The following KCTD5 variants were observed in gnomAD, a reference collection of about 807,000 sequenced individuals.
The protein encoded by KCTD5 is potassium channel tetramerization domain containing 5.
In KCTD5, 12 loss-of-function variants were observed where a neutral mutation model predicts 27.9. The ratio of observed to expected loss-of-function variants is 0.43; its 90% CI spans 0.28 to 0.70. KCTD5 has a LOEUF of 0.70. Ranked by LOEUF, KCTD5 falls within the 30% of genes least tolerant of loss-of-function variation. The pLI, the probability that KCTD5 is intolerant of heterozygous loss-of-function variation, is 0.19. For synonymous variants in KCTD5, 147 were observed against 121.4 expected (o/e 1.21, Z -1.39); for missense variants, 226 against 274.8 (o/e 0.82, Z 1.26).
chr16:2,688,611 C>T (rs1445853367), intron 1 of KCTD5, among the ~76,000 whole-genome samples: 3 of 142,100 alleles, frequency 2.1e-5, no homozygotes, highest in South Asian at 2.4e-4. Context: ...CTGTTAATGT[C>T]GACCTCTGGC....
intron 1 of KCTD5, among the ~76,000 whole-genome samples, chr16:2,690,759 C>T (rs1240279488): frequency 1.3e-5 from 2 of 152,246 alleles, no homozygotes; most frequent in African/African-American, 2.4e-5. Flanking sequence ...GATGGCCTTA[C>T]GGGCAGCACA....
intron 1 of KCTD5, among the ~76,000 whole-genome samples, chr16:2,689,891 G>A (rs1438214004): frequency 6.6e-6 from 1 of 152,198 alleles, no homozygotes; most frequent in Admixed American, 6.5e-5. Flanking sequence ...GGTCAGGCTG[G>A]TGTTGAACTC....
At chr16:2,693,649 T>C (rs921116379) in intron 1 of KCTD5, among the ~76,000 whole-genome samples, 2 of 152,212 alleles carry the variant, frequency 1.3e-5, no homozygotes, top group Admixed American at 1.3e-4. Flanking sequence ...GTTGCAGGGC[T>C]GGGGTTGCCT....
Position 2,702,450 on chromosome 16 carries a change from C to G in KCTD5, c.647C>G (p.Thr216Arg). 6.2e-7 allele frequency: 1 copy of G among 1,613,222 alleles called. No homozygotes were observed. The change falls in exon 5 of 6, where the codon ACG (threonine) becomes AGG (arginine). Residue 216 changes from threonine (T) to arginine (R), a missense_variant. Thr to Arg is a moderately conservative substitution (Grantham distance 71). Around this residue, in one of 2 missense-constraint regions of KCTD5, gnomAD observed 135 missense variants for 207.0 expected, o/e 0.65. Coordinates refer to ENST00000301738, the MANE Select transcript of KCTD5 (RefSeq NM_018992.4). The stretch of plus-strand genomic sequence containing the variant: ...GAGCTGCACAACACCCCGTACGGTA[C>G]GGCCAGCGAGCCCAGCGAGAAGGCC... Reference protein sequence around the residue: ...SKELHNTPYGTASEPSEKAKI... With the variant: ...SKELHNTPYGRASEPSEKAKI...
chr16:2,704,419 G>T (rs993284889), intron 5 of KCTD5, among the ~76,000 whole-genome samples: 11 of 152,246 alleles, frequency 7.2e-5, no homozygotes, highest in Non-Finnish European at 7.3e-5. Context: ...GGAGAGCCTG[G>T]GTGGTGGGGC....
intron 1 of KCTD5, among the ~76,000 whole-genome samples, chr16:2,688,228 A>T (rs28567711): frequency 0.058 from 4,814 of 83,372 alleles, 275 homozygotes; most frequent in African/African-American, 0.17. Context: ...TAAATAAATA[A>T]ATATATATAT....
chr16:2,706,834 G>T (rs1021826270), intron 5 of KCTD5, among the ~76,000 whole-genome samples: 1 of 151,606 alleles, frequency 6.6e-6, no homozygotes, highest in Admixed American at 6.6e-5. Context: ...GGCTGGCCAG[G>T]CTGAGGTGCA....
At chr16:2,705,018 C>T (rs546625335) in intron 5 of KCTD5, among the ~76,000 whole-genome samples, 28 of 152,346 alleles carry the variant, frequency 1.8e-4, no homozygotes, top group South Asian at 8.3e-4. Context: ...TGTGTCCCCT[C>T]GTGGCGTGGC....
chr16:2,685,930 G>C (rs905376198), intron 1 of KCTD5: 3 of 152,188 alleles, frequency 2.0e-5, no homozygotes, highest in African/African-American at 7.2e-5. Context: ...ATTTAAGGGG[G>C]AGGAGTTCCC....
Position 2,703,253 on chromosome 16 carries a change from A to G in KCTD5, c.675+775A>G, listed in dbSNP as rs1596225879. On this transcript the variant is annotated intron_variant, in intron 5 of 5. Coordinates refer to ENST00000301738, the MANE Select transcript of KCTD5 (RefSeq NM_018992.4). ...GGACAAATGCGTCCATCCAAGCAGA[A>G]TCTGACCTTGGCCTGGGCCAGCTGC... Among the ~76,000 whole-genome samples the G allele has an allele frequency of 1.3e-5, 2 of 152,200 alleles. 1 individual carries two copies. Among genetic ancestry groups the G allele is most frequent in the East Asian group, 3.9e-4 (2 of 5,126 alleles).
At chr16:2,690,719 C>G (rs987472743) in intron 1 of KCTD5, among the ~76,000 whole-genome samples, 1 of 152,226 alleles carries the variant, frequency 6.6e-6, no homozygotes, top group Non-Finnish European at 1.5e-5. Flanking sequence ...TTTCCTTCCT[C>G]GTGTCATGGG....
chr16:2,702,040 G>A (rs892998865), intron 4 of KCTD5, among the ~76,000 whole-genome samples: 3 of 151,990 alleles, frequency 2.0e-5, no homozygotes, highest in African/African-American at 7.2e-5. Flanking sequence ...CCCTCCCTCC[G>A]CCCCAGCTCA....
chr16:2,701,084 A>T (rs770311712), intron 4 of KCTD5, among the ~76,000 whole-genome samples: 21 of 152,180 alleles, frequency 1.4e-4, no homozygotes, highest in Non-Finnish European at 2.4e-4. Flanking sequence ...GGCTGTCCCC[A>T]TGTGGCACCT....
chr16:2,687,186 G>A lies in KCTD5; in HGVS notation c.252+4386G>A, dbSNP rs985722377. Among the ~76,000 whole-genome samples, 8 of 152,188 alleles carry A rather than the reference G, an allele frequency of 5.3e-5. No individual in the cohort carries two copies. In the East Asian group the frequency reaches 5.8e-4, roughly 11 times the overall value. On this transcript the variant is annotated intron_variant, in intron 1 of 5. Coordinates refer to ENST00000301738, the MANE Select transcript of KCTD5 (RefSeq NM_018992.4). ...TGAAGCCCTTTAGACCTTAGGCCAC[G>A]AGTCAGTTCCATAAATTCCTGAGAA...
rs540701877 is a variant in KCTD5, at chr16:2,707,700, A to G, written c.*373A>G. The G allele has an allele frequency of 1.6e-4, 81 of 519,056 alleles. No individual in the cohort carries two copies. In the East Asian group the frequency reaches 2.1e-3, roughly 14 times the overall value. The allele number at this position is 519,056 out of a possible 1,614,324, so 32.2% of individuals were successfully genotyped here. Reference sequence around the variant, plus strand: ...AGTCTGGAAAAGCAGCCTGGGCTTCACTGGCAGGAAGCGGCCGCAGCCGCG... The same window carrying G: ...AGTCTGGAAAAGCAGCCTGGGCTTCGCTGGCAGGAAGCGGCCGCAGCCGCG... On this transcript the variant is annotated 3_prime_UTR_variant, in exon 6 of 6. Coordinates refer to ENST00000301738, the MANE Select transcript of KCTD5 (RefSeq NM_018992.4).
intron 4 of KCTD5, among the ~76,000 whole-genome samples, chr16:2,701,850 G>A (rs2067613343): frequency 6.6e-6 from 1 of 152,228 alleles, no homozygotes; most frequent in African/African-American, 2.4e-5. Context: ...GGCCTGCCTG[G>A]TGACCCGGAG....
chr16:2,687,584 G>T (rs1248445603), intron 1 of KCTD5, among the ~76,000 whole-genome samples: 1 of 152,164 alleles, frequency 6.6e-6, no homozygotes, highest in Admixed American at 6.5e-5. Flanking sequence ...GGCCGTTTTT[G>T]CTCTGAAAGG....
chr16:2,698,076 C>G, intron 3 of KCTD5, 79 bp downstream of exon 3: 2 of 1,045,132 alleles, frequency 1.9e-6, no homozygotes, highest in Non-Finnish European at 2.9e-6. Flanking sequence ...CGACCGGCTG[C>G]CTCCCAAATA....
intron 5 of KCTD5, among the ~76,000 whole-genome samples, chr16:2,706,464 G>A (rs1003594277): frequency 6.6e-6 from 1 of 152,200 alleles, no homozygotes; most frequent in East Asian, 1.9e-4. Context: ...CTGCTCGGGA[G>A]CGTGGGGTGA....
Sources: allele counts gnomAD v4.1 joint callset (sites outside exome capture counted in the v4.1 genomes callset), GRCh38; gene constraint gnomAD v4.1.1; regional missense constraint gnomAD v4.1.1; transcripts MANE v1.5; gene names NCBI Gene and HGNC (gene_info 2026-07-23, HGNC 2026-07-21).